The following RGS6 variants were observed in gnomAD, a reference collection of about 807,000 sequenced individuals.
RGS6 encodes the protein regulator of G-protein signaling 6.
A neutral mutation model predicts 78.5 loss-of-function variants in RGS6; 30 were observed. The ratio of observed to expected loss-of-function variants is 0.38; its 90% CI spans 0.29 to 0.52. The LOEUF is 0.52. RGS6 is among the 20% of genes least tolerant of loss of function. The pLI, the probability that RGS6 is intolerant of heterozygous loss-of-function variation, is 0.85. For missense variants in RGS6, 495 were observed against 609.7 expected, an observed-to-expected ratio of 0.81 and a Z score of 1.98; for synonymous variants, 206 against 206.0, an observed-to-expected ratio of 1.00 and a Z score of 0.00.
At position 72,566,375 on chromosome 14, in the gene RGS6, G is replaced by T. The variant is rs1465362952; in HGVS notation, c.*3908G>T. 1 of 152,160 alleles carries T rather than the reference G, an allele frequency of 6.6e-6. No individual in the cohort carries two copies. The highest frequency in any genetic ancestry group is 1.5e-5 in the Non-Finnish European group (1 of 68,062). 9.4% of individuals were successfully genotyped at this position (152,160 alleles called of 1,614,324 possible). On this transcript the variant is annotated 3_prime_UTR_variant, in exon 18 of 18. Coordinates refer to ENST00000553525, the MANE Select transcript of RGS6 (RefSeq NM_001204424.2). ...CAGGGGTCCCTGTTCTATACTCTAA[G>T]CCCACTCACCGCATGATCACGGACT...
rs368269675 is a variant in RGS6, at chr14:72,466,380, A to G, written c.459+558A>G. Among the ~76,000 whole-genome samples, 28 of 152,348 alleles carry G rather than the reference A, an allele frequency of 1.8e-4. 1 individual carries two copies. The highest frequency in any genetic ancestry group is 6.5e-4 in the African/African-American group (27 of 41,582). On this transcript the variant is annotated intron_variant, in intron 7 of 17. Coordinates refer to ENST00000553525, the MANE Select transcript of RGS6 (RefSeq NM_001204424.2). ...CATATAACCAAGCAATCCCACTTGTATATACATACCCTAGAGAAATCAGAA... is the reference window on the plus strand; with the variant it reads ...CATATAACCAAGCAATCCCACTTGTGTATACATACCCTAGAGAAATCAGAA...
At chr14:72,196,865 A>C (rs1192269174) in intron 2 of RGS6, among the ~76,000 whole-genome samples, 1 of 152,158 alleles carries the variant, frequency 6.6e-6, no homozygotes, top group Non-Finnish European at 1.5e-5. Flanking sequence ...CTTCATGCTA[A>C]GTGTTGATGG....
At chr14:71,907,506 G>C in the RGS6 span, among the ~76,000 whole-genome samples, 2 of 152,178 alleles carry the variant, frequency 1.3e-5, no homozygotes, top group African/African-American at 2.4e-5. Context: ...AAAGTGGAGA[G>C]GCAGGGCTGG....
chr14:72,595,788 A>T, the RGS6 span, among the ~76,000 whole-genome samples: 1 of 152,218 alleles, frequency 6.6e-6, no homozygotes. Flanking sequence ...GTGATAAATT[A>T]TACTTACATT....
the RGS6 span, among the ~76,000 whole-genome samples, chr14:72,621,577 A>G: frequency 6.7e-3 from 1,024 of 152,310 alleles, 11 homozygotes; most frequent in African/African-American, 0.023. Context: ...AGAGTTATCA[A>G]CAGGGGAGTG....
intron 3 of RGS6, among the ~76,000 whole-genome samples, chr14:72,361,389 G>A (rs2081428020): frequency 6.6e-6 from 1 of 152,128 alleles, no homozygotes. Flanking sequence ...GATGGATGAG[G>A]AACCATGAAG....
intron 12 of RGS6, among the ~76,000 whole-genome samples, chr14:72,489,162 C>CCCG (rs900810226): frequency 1.3e-5 from 2 of 150,216 alleles, no homozygotes; most frequent in East Asian, 3.9e-4. Context: ...GGGGGCCCCC[C>CCCG]CACCGGCTGT....
At chr14:71,921,561 A>T in the RGS6 span, among the ~76,000 whole-genome samples, 6,830 of 152,308 alleles carry the variant, frequency 0.045, 474 homozygotes, top group African/African-American at 0.15. Context: ...CACAATGTGG[A>T]CAATGTGGAT....
chr14:72,424,119 G>A (rs1009584026), intron 3 of RGS6, among the ~76,000 whole-genome samples: 1 of 152,206 alleles, frequency 6.6e-6, no homozygotes, highest in East Asian at 1.9e-4. Flanking sequence ...CTGCCACCCT[G>A]CTTGGGGCTA....
At position 72,386,619 on chromosome 14, in the gene RGS6, G is replaced by T. The variant is rs373170327; in HGVS notation, c.184+34425G>T. ...ACACAAATGAGTCTGTGAGCAAAGGGCCAAGGCAAGGGGCAGGAGCTCAGA... is the reference window on the plus strand; with the variant it reads ...ACACAAATGAGTCTGTGAGCAAAGGTCCAAGGCAAGGGGCAGGAGCTCAGA... On this transcript the variant is annotated intron_variant, in intron 3 of 17. Coordinates refer to ENST00000553525, the MANE Select transcript of RGS6 (RefSeq NM_001204424.2). 3.2e-4 allele frequency among the ~76,000 whole-genome samples: 48 copies of T among 152,262 alleles called. No individual in the cohort carries two copies. In the East Asian group the frequency reaches 7.3e-3, roughly 23 times the overall value.
intron 3 of RGS6, among the ~76,000 whole-genome samples, chr14:72,430,863 G>A (rs1404825601): frequency 6.6e-6 from 1 of 152,154 alleles, no homozygotes; most frequent in East Asian, 1.9e-4. Flanking sequence ...ACCCAGAACA[G>A]CTGGTGTCTG....
chr14:72,431,311 G>C (rs762279152), intron 3 of RGS6, among the ~76,000 whole-genome samples: 4 of 152,212 alleles, frequency 2.6e-5, no homozygotes, highest in African/African-American at 9.6e-5. Context: ...ATGAGATAGG[G>C]CCCTGAAATC....
At chr14:72,339,353 A>G (rs996995653) in intron 2 of RGS6, among the ~76,000 whole-genome samples, 4 of 152,216 alleles carry the variant, frequency 2.6e-5, no homozygotes, top group African/African-American at 9.6e-5. Context: ...CTTGATCTTG[A>G]ACTTACCAGC....
At chr14:72,501,459 G>A (rs997356406) in intron 13 of RGS6, among the ~76,000 whole-genome samples, 1 of 152,150 alleles carries the variant, frequency 6.6e-6, no homozygotes, top group South Asian at 2.1e-4. Context: ...GCAACATAGT[G>A]AGCTGTGATC....
At chr14:72,540,625 T>A (rs777536854) in intron 17 of RGS6, 1 of 1,449,014 alleles carries the variant, frequency 6.9e-7, no homozygotes, top group Non-Finnish European at 9.2e-7. Flanking sequence ...GTCCTGGCGA[T>A]GTGGCCTAGC....
At chr14:71,938,925 T>G (rs1200311811) in intron 1 of RGS6, among the ~76,000 whole-genome samples, 1 of 152,160 alleles carries the variant, frequency 6.6e-6, no homozygotes, top group African/African-American at 2.4e-5. Context: ...CCACTGTGAT[T>G]CACCTATGGG....
At chr14:72,250,240 T>TAA (rs71448390) in intron 2 of RGS6, among the ~76,000 whole-genome samples, 29 of 144,970 alleles carry the variant, frequency 2.0e-4, no homozygotes, top group African/African-American at 4.5e-4. Flanking sequence ...TAAACTATAA[T>TAA]AAAAAAAAAA....
rs544075757 is a variant in RGS6, at chr14:72,325,057, G to A, written c.85-27038G>A. On this transcript the variant is annotated intron_variant, in intron 2 of 17. Coordinates refer to ENST00000553525, the MANE Select transcript of RGS6 (RefSeq NM_001204424.2). ...TTTAATGGTCGCCATTTTAACTGGT[G>A]TGAGATGGTATCTCATTGTGGTTTT... 1.1e-4 allele frequency among the ~76,000 whole-genome samples: 16 copies of A among 152,320 alleles called. No individual in the cohort carries two copies. The East Asian group carries it at 2.9e-3, about 28-fold the overall frequency.
intron 2 of RGS6, among the ~76,000 whole-genome samples, chr14:72,164,442 C>A (rs1009624251): frequency 3.3e-5 from 5 of 152,158 alleles, no homozygotes; most frequent in Non-Finnish European, 7.3e-5. Flanking sequence ...AGAAAGGAAG[C>A]AAGGATGAGT....
Sources: gnomAD v4.1 joint callset for allele counts (sites outside exome capture counted in the v4.1 genomes callset) on GRCh38, gnomAD v4.1.1 for gene constraint, MANE v1.5 for transcripts, NCBI Gene and HGNC (gene_info 2026-07-23, HGNC 2026-07-21) for gene names.